DNAH7: variants seen among roughly 807,000 people sequenced by gnomAD.
DNAH7 encodes the protein dynein axonemal heavy chain 7.
DNAH7 carries 397 observed loss-of-function variants against 444.6 expected under a neutral mutation model. That is an observed-to-expected ratio of 0.89 (90% CI 0.82 to 0.97). The LOEUF (loss-of-function observed/expected upper bound fraction) is 0.97, where lower values mean the gene tolerates loss of function less well. Among genes scored for constraint, DNAH7 ranks in the 50% least tolerant of loss-of-function variants. The pLI is 0.00. For synonymous variants in DNAH7, 1,636 were observed against 1,624.4 expected, an observed-to-expected ratio of 1.01 and a Z score of -0.17; for missense variants, 4,902 against 4,800.8, an observed-to-expected ratio of 1.02 and a Z score of -0.62.
chr2:195,853,320 A>G lies in DNAH7; in HGVS notation c.8781+23T>C, dbSNP rs202028990. ...GGCTGTGATGGGCAGAGGGTCAGGA[A>G]GAGATGGAATAGTGTCCCTTACCTG... On this transcript the variant is annotated intron_variant, in intron 46 of 64. Coordinates refer to ENST00000312428, the MANE Select transcript of DNAH7 (RefSeq NM_018897.3). 1.8e-4 allele frequency: 285 copies of G among 1,597,800 alleles called. 6 individuals are homozygous for G. In the Admixed American group the frequency reaches 4.4e-3, roughly 25 times the overall value.
chr2:195,944,564 A>T (rs1290036956), intron 19 of DNAH7, among the ~76,000 whole-genome samples: 1 of 152,206 alleles, frequency 6.6e-6, no homozygotes, highest in African/African-American at 2.4e-5. Context: ...CAGGGTACCC[A>T]GAGTCAATTA....
In DNAH7 at chr2:195,895,108, A is replaced by G. The variant is rs760169787; in HGVS notation, c.4764T>C (p.Phe1588=). The G allele has an allele frequency of 6.2e-7, 1 of 1,613,836 alleles. No homozygotes were observed. The highest frequency in any genetic ancestry group is 8.5e-7 in the Non-Finnish European group (1 of 1,179,820). Residue 1588 remains phenylalanine, a synonymous_variant, in exon 30 of 65, where the codon TTT becomes TTC. Transcript: ENST00000312428. ...CATATACTTGAAGAATCTTCTCGGA[A>G]AAGAATGCAGTCATTTGCAAATTCA... is the stretch of plus-strand genomic sequence containing the variant. The part of the protein sequence containing the change: ...ASMNLQMTAF[F]SEKILQVYEM...
At chr2:196,009,143 C>T (rs1203789802) in intron 10 of DNAH7, among the ~76,000 whole-genome samples, 1 of 152,116 alleles carries the variant, frequency 6.6e-6, no homozygotes, top group Non-Finnish European at 1.5e-5. Context: ...GATCTGCCCC[C>T]ATGACCAAAC....
chr2:196,016,528 A>C (rs905452758), intron 9 of DNAH7, among the ~76,000 whole-genome samples: 14 of 152,306 alleles, frequency 9.2e-5, no homozygotes, highest in African/African-American at 3.4e-4. Flanking sequence ...ATTTCCTGGA[A>C]GTATGTATTC....
chr2:195,821,697 T>C (rs1448427534), intron 49 of DNAH7, among the ~76,000 whole-genome samples: 2 of 152,178 alleles, frequency 1.3e-5, no homozygotes, highest in East Asian at 1.9e-4. Flanking sequence ...CTGGAAATCT[T>C]AGACCTTTCC....
Position 195,806,762 on chromosome 2 carries a change from A to G in DNAH7, c.10154T>C (p.Ile3385Thr). ...KANEFQRMLI[I>T]RCLRPDKVIP... ...TACCTTGTCTGGCCTCAAGCAACGA[A>G]TAATAAGCATCCTTTGAAACTCATT... The change falls in exon 54 of 65, where the codon ATT becomes ACT. Residue 3385 changes from isoleucine (I) to threonine (T), a missense_variant. By Grantham distance (89) the Ile-to-Thr change is moderately conservative. Transcript: ENST00000312428. The G allele has an allele frequency of 6.2e-7, 1 of 1,613,636 alleles. No individual in the cohort carries two copies. Among genetic ancestry groups the G allele is most frequent in the Non-Finnish European group, 8.5e-7 (1 of 1,179,698 alleles).
At chr2:196,018,270 T>G (rs1469313093) in intron 9 of DNAH7, among the ~76,000 whole-genome samples, 1 of 152,120 alleles carries the variant, frequency 6.6e-6, no homozygotes, top group East Asian at 1.9e-4. Flanking sequence ...ACAAATAGTA[T>G]AATACACATA....
chr2:195,836,601 A>G (rs1237753389), intron 47 of DNAH7, among the ~76,000 whole-genome samples: 2 of 152,202 alleles, frequency 1.3e-5, no homozygotes, highest in African/African-American at 4.8e-5. Context: ...TATGACATTA[A>G]TTATGTAAGA....
intron 26 of DNAH7, 52 bp from the exon 27 acceptor site, chr2:195,906,838 G>A (rs1472890482): frequency 2.5e-6 from 4 of 1,609,980 alleles, no homozygotes; most frequent in African/African-American, 1.3e-5. Flanking sequence ...ATAAACATGA[G>A]CTGTGCCATT....
chr2:195,944,479 C>T (rs1258760225), intron 19 of DNAH7, among the ~76,000 whole-genome samples: 4 of 152,082 alleles, frequency 2.6e-5, no homozygotes, highest in Admixed American at 1.3e-4. Flanking sequence ...AGCACCATTA[C>T]AATATATTGC....
chr2:195,741,558 A>G (rs1018627756), intron 63 of DNAH7, among the ~76,000 whole-genome samples: 5 of 152,242 alleles, frequency 3.3e-5, no homozygotes, highest in African/African-American at 4.8e-5. Flanking sequence ...ATGTCAAGCA[A>G]TGTAGACTTT....
At chr2:195,921,997 T>C (rs1688055141) in intron 24 of DNAH7, 91 bp downstream of exon 24, 1 of 745,426 alleles carries the variant, frequency 1.3e-6, no homozygotes, top group African/African-American at 1.8e-5. Context: ...AAATTAACAG[T>C]ATGAGAGACA....
chr2:195,881,922 A>T lies in DNAH7; in HGVS notation c.5834T>A (p.Phe1945Tyr). The change falls in exon 36 of 65, where the codon TTT becomes TAT. Residue 1945 changes from phenylalanine (F) to tyrosine (Y), a missense_variant. By Grantham distance (22) the Phe-to-Tyr change is conservative. Transcript: ENST00000312428. ...EAPPIPKDVM[F>Y]NEIIVPTLDT... Reference sequence around the variant, plus strand: ...CAGAGTTGGCACAATGATTTCATTAAACATTACATCTTTAGGAATTGGAGG... The same window carrying T: ...CAGAGTTGGCACAATGATTTCATTATACATTACATCTTTAGGAATTGGAGG... 1 of 1,614,010 alleles carries T rather than the reference A, an allele frequency of 6.2e-7. No individual in the cohort carries two copies. Among genetic ancestry groups the T allele is most frequent in the South Asian group, 1.1e-5 (1 of 91,080 alleles).
chr2:195,887,284 C>T (rs1701762696), intron 33 of DNAH7, among the ~76,000 whole-genome samples: 1 of 152,116 alleles, frequency 6.6e-6, no homozygotes, highest in South Asian at 2.1e-4. Context: ...CATAAAGGCC[C>T]TGAAACTTAT....
Position 195,777,797 on chromosome 2 carries a change from T to TA in DNAH7, c.11064+2dup. The TA allele has an allele frequency of 6.2e-7, 1 of 1,607,326 alleles. No homozygotes were observed. Among genetic ancestry groups the TA allele is most frequent in the Non-Finnish European group, 8.5e-7 (1 of 1,174,708 alleles). On this transcript the variant is annotated splice_region_variant and intron_variant, in intron 59 of 64. Coordinates refer to ENST00000312428, the MANE Select transcript of DNAH7 (RefSeq NM_018897.3). Reference sequence around the variant, plus strand: ...TTTTAGTTTTTTTGAAGGGCATACTTACATCACCAGAAGGAGGAACAAAAT... The same window carrying TA: ...TTTTAGTTTTTTTGAAGGGCATACTTAACATCACCAGAAGGAGGAACAAAAT...
intron 63 of DNAH7, among the ~76,000 whole-genome samples, chr2:195,745,628 G>A (rs941229625): frequency 2.6e-5 from 4 of 152,210 alleles, no homozygotes; most frequent in Non-Finnish European, 5.9e-5. Flanking sequence ...ACCCACAAAG[G>A]GAAGCCCATC....
At position 195,939,776 on chromosome 2, in the gene DNAH7, G is replaced by A. The variant is rs16842558; in HGVS notation, c.3079-2984C>T. On this transcript the variant is annotated intron_variant, in intron 19 of 64. Transcript: ENST00000312428. ...TAAACCAAATGAATGTGATATCAGG[G>A]GCCCGAAACATTGAGTATATAGAGA... 0.019 allele frequency among the ~76,000 whole-genome samples: 2,952 copies of A among 151,930 alleles called. 244 individuals carry two copies. In the East Asian group the frequency reaches 0.27, roughly 14 times the overall value.
At chr2:195,823,655 C>T (rs918240732) in intron 49 of DNAH7, among the ~76,000 whole-genome samples, 1 of 152,022 alleles carries the variant, frequency 6.6e-6, no homozygotes, top group Non-Finnish European at 1.5e-5. Flanking sequence ...ACTCACTCCA[C>T]AAACATTTAA....
chr2:195,748,902 T>TTA (rs1693606563), intron 63 of DNAH7, among the ~76,000 whole-genome samples: 1 of 152,114 alleles, frequency 6.6e-6, no homozygotes, highest in Non-Finnish European at 1.5e-5. Flanking sequence ...AACCAAGGCA[T>TTA]TACCATTCAG....
Sources: allele counts gnomAD v4.1 joint callset (sites outside exome capture counted in the v4.1 genomes callset), GRCh38; gene constraint gnomAD v4.1.1; transcripts MANE v1.5; gene names NCBI Gene and HGNC (gene_info 2026-07-23, HGNC 2026-07-21).